Variants in RARB observed in about 807,000 individuals in gnomAD.
The protein encoded by RARB is HBV-activated protein.
RARB carries 17 observed loss-of-function variants against 51.9 expected under a neutral mutation model. The observed-to-expected ratio is 0.33, with a 90% CI of 0.22 to 0.49. The LOEUF is 0.49. Ranked by LOEUF, RARB falls within the 20% of genes least tolerant of loss-of-function variation. The pLI is 0.99. For synonymous variants in RARB, 215 were observed against 195.4 expected (o/e 1.10, Z -0.84); for missense variants, 369 against 550.8 (o/e 0.67, Z 3.30).
intron 2 of RARB, among the ~76,000 whole-genome samples, chr3:25,475,403 G>A (rs187849382): frequency 1.1e-4 from 16 of 148,842 alleles, no homozygotes; most frequent in Middle Eastern, 3.4e-3. Context: ...AATAACAAAG[G>A]GGGGGGGATC....
chr3:25,384,198 C>A (rs1417246193), intron 5 of RARB, among the ~76,000 whole-genome samples: 1 of 152,104 alleles, frequency 6.6e-6, no homozygotes, highest in East Asian at 1.9e-4. Flanking sequence ...CCAGTAGAGC[C>A]CCGCCCCATT....
chr3:25,126,454 TA>T (rs1237512712), intron 3 of RARB, among the ~76,000 whole-genome samples: 1 of 151,764 alleles, frequency 6.6e-6, no homozygotes, highest in Non-Finnish European at 1.5e-5. Context: ...TTTTTTTTTT[TA>T]AAGGTCACTA....
At chr3:25,584,701 A>G (rs1165926532) in intron 5 of RARB, among the ~76,000 whole-genome samples, 2 of 152,162 alleles carry the variant, frequency 1.3e-5, no homozygotes, top group Admixed American at 1.3e-4. Flanking sequence ...GGTATCCTAT[A>G]GAGTCACTGG....
chr3:24,905,827 T>G (rs1242297029), intron 2 of RARB, among the ~76,000 whole-genome samples: 2 of 152,210 alleles, frequency 1.3e-5, no homozygotes, highest in Non-Finnish European at 2.9e-5. Context: ...TACTTACATA[T>G]TATCCAGTCA....
chr3:25,468,681 A>G (rs1283151678), intron 2 of RARB, among the ~76,000 whole-genome samples: 1 of 152,178 alleles, frequency 6.6e-6, no homozygotes, highest in Non-Finnish European at 1.5e-5. Context: ...GCATATTTTT[A>G]AAAAACATAT....
intron 2 of RARB, among the ~76,000 whole-genome samples, chr3:24,987,383 A>G (rs1318130588): frequency 2.6e-5 from 4 of 152,258 alleles, no homozygotes; most frequent in Admixed American, 2.6e-4. Context: ...AGAGAGCAGC[A>G]AAGAAGAAAG....
intron 5 of RARB, among the ~76,000 whole-genome samples, chr3:25,328,599 T>C (rs1488645862): frequency 6.6e-6 from 1 of 152,088 alleles, no homozygotes; most frequent in East Asian, 1.9e-4. Context: ...AGTCTACAGC[T>C]CCCAGCATGA....
At chr3:25,554,092 G>T (rs1328110003) in intron 3 of RARB, among the ~76,000 whole-genome samples, 5 of 151,344 alleles carry the variant, frequency 3.3e-5, no homozygotes, top group Admixed American at 3.3e-4. Context: ...TGGAGCAGGG[G>T]TCTACAAATA....
intron 3 of RARB, among the ~76,000 whole-genome samples, chr3:25,530,147 C>A (rs535694937): frequency 6.6e-6 from 1 of 152,152 alleles, no homozygotes. Context: ...GTTATCTACC[C>A]CTTATATCCC....
chr3:25,333,530 G>A (rs1704968442), intron 5 of RARB, among the ~76,000 whole-genome samples: 4 of 152,128 alleles, frequency 2.6e-5, no homozygotes, highest in African/African-American at 4.8e-5. Context: ...ATTAATTCAA[G>A]ATGGATTAAA....
At chr3:25,324,112 A>G (rs1704645460) in intron 5 of RARB, 1 of 152,270 alleles carries the variant, frequency 6.6e-6, no homozygotes, top group African/African-American at 2.4e-5. Context: ...GAGCAGGTTC[A>G]GTCAGATCTC....
intron 5 of RARB, among the ~76,000 whole-genome samples, chr3:25,208,594 CTCTT>C (rs1352596350): frequency 2.0e-5 from 3 of 152,170 alleles, no homozygotes; most frequent in South Asian, 2.1e-4. Context: ...CCCTTCCGCT[CTCTT>C]TGTCTATTCT....
chr3:25,342,493 A>T (rs1705260090), intron 5 of RARB, among the ~76,000 whole-genome samples: 1 of 152,168 alleles, frequency 6.6e-6, no homozygotes. Context: ...CAACAGGATA[A>T]AAAGCAGATC....
intron 4 of RARB, among the ~76,000 whole-genome samples, chr3:25,173,740 C>A (rs1426681209): frequency 1.3e-5 from 2 of 152,180 alleles, no homozygotes; most frequent in African/African-American, 2.4e-5. Flanking sequence ...TAAAGCATAA[C>A]TGTTAACAAA....
chr3:25,156,317 A>G (rs940311212), intron 4 of RARB, among the ~76,000 whole-genome samples: 3 of 152,154 alleles, frequency 2.0e-5, no homozygotes, highest in African/African-American at 7.2e-5. Context: ...GCCCATTTCT[A>G]TGCCAATGTG....
At chr3:25,000,370 T>A (rs2125274642) in intron 2 of RARB, among the ~76,000 whole-genome samples, 1 of 152,266 alleles carries the variant, frequency 6.6e-6, no homozygotes. Flanking sequence ...ACCCAGACAC[T>A]TGCATGTACT....
intron 5 of RARB, among the ~76,000 whole-genome samples, chr3:25,365,199 C>CTTTTTTTTTTTTTTTTTTT (rs3035063): frequency 1.3e-5 from 1 of 75,456 alleles, no homozygotes; most frequent in Non-Finnish European, 2.5e-5. Flanking sequence ...TTCTTTCTTT[C>CTTTTTTTTTTTTTTTTTTT]TTTTTTTTTT....
chr3:25,159,514 G>T (rs1700441312), intron 4 of RARB, among the ~76,000 whole-genome samples: 1 of 151,538 alleles, frequency 6.6e-6, no homozygotes, highest in African/African-American at 2.4e-5. Flanking sequence ...ATCTGAATAA[G>T]TTGTGAGCCA....
chr3:24,908,101 C>G (rs1433961367), intron 2 of RARB, among the ~76,000 whole-genome samples: 1 of 151,992 alleles, frequency 6.6e-6, no homozygotes, highest in Non-Finnish European at 1.5e-5. Context: ...AGTGCTGTAC[C>G]AAGCATTATA....
Sources: allele counts gnomAD v4.1 joint callset (sites outside exome capture counted in the v4.1 genomes callset), GRCh38; gene constraint gnomAD v4.1.1; transcripts MANE v1.5; gene names NCBI Gene and HGNC (gene_info 2026-07-23, HGNC 2026-07-21).